The following SLC49A4 variants were observed in gnomAD, a reference collection of about 807,000 sequenced individuals.
SLC49A4 encodes the protein solute carrier family 49 member 4.
SLC49A4 carries 36 observed loss-of-function variants against 50.6 expected under a neutral mutation model. That is an observed-to-expected ratio of 0.71 (90% CI 0.55 to 0.94). The LOEUF (loss-of-function observed/expected upper bound fraction) is 0.94. SLC49A4 is among the 40% of genes least tolerant of loss of function. The pLI, the probability that SLC49A4 is intolerant of heterozygous loss-of-function variation, is 0.00. For missense variants in SLC49A4, 503 were observed against 605.7 expected, an observed-to-expected ratio of 0.83 and a Z score of 1.78; for synonymous variants, 248 against 241.2, an observed-to-expected ratio of 1.03 and a Z score of -0.26.
At chr3:122,852,749 C>T (rs979262857) in intron 5 of SLC49A4, among the ~76,000 whole-genome samples, 2 of 152,140 alleles carry the variant, frequency 1.3e-5, no homozygotes, top group Non-Finnish European at 2.9e-5. Context: ...ACAGCAGGCC[C>T]TAAACTCATA....
chr3:122,845,643 A>G lies in SLC49A4; in HGVS notation c.834-120A>G, dbSNP rs895832603. ...TTTTTTTTTTTGAGTTTTTAATGCCATTCTGCAGATATTTTCTGATTCTGG... is the reference window on the plus strand; with the variant it reads ...TTTTTTTTTTTGAGTTTTTAATGCCGTTCTGCAGATATTTTCTGATTCTGG... On this transcript the variant is annotated intron_variant, in intron 4 of 8. Transcript: ENST00000261038. 36 of 150,624 alleles carry G rather than the reference A, an allele frequency of 2.4e-4. No homozygotes were observed. The East Asian group carries it at 4.7e-3, about 20-fold the overall frequency. 9.3% of individuals were successfully genotyped at this position (150,624 alleles called of 1,614,324 possible).
chr3:122,849,867 T>A lies in SLC49A4; in HGVS notation c.942+3996T>A, dbSNP rs76926456. On this transcript the variant is annotated intron_variant, in intron 5 of 8. Transcript: ENST00000261038. The stretch of plus-strand genomic sequence containing the variant: ...TGTCTGATTTTGCTTTTGTTGCCTG[T>A]GTTTTTGAGGCTGTACTCAAAAAAT... 9.7e-3 allele frequency among the ~76,000 whole-genome samples: 1,477 copies of A among 152,250 alleles called. 26 individuals are homozygous for A. Among genetic ancestry groups the A allele is most frequent in the African/African-American group, 0.034 (1,423 of 41,526 alleles).
At chr3:122,808,339 A>G (rs546939261) in intron 2 of SLC49A4, among the ~76,000 whole-genome samples, 23 of 152,224 alleles carry the variant, frequency 1.5e-4, no homozygotes, top group Non-Finnish European at 2.9e-4. Flanking sequence ...GGAAAGAAGG[A>G]TATGAAAAGG....
At chr3:122,865,393 C>T (rs1017066613) in intron 7 of SLC49A4, among the ~76,000 whole-genome samples, 4 of 152,190 alleles carry the variant, frequency 2.6e-5, no homozygotes, top group Non-Finnish European at 5.9e-5. Flanking sequence ...ATGCCTCATC[C>T]TCTTTTGGAA....
At chr3:122,872,857 C>G (rs1179550734) in intron 8 of SLC49A4, among the ~76,000 whole-genome samples, 2 of 151,602 alleles carry the variant, frequency 1.3e-5, no homozygotes, top group Middle Eastern at 6.8e-3. Flanking sequence ...GGCTGGAGCC[C>G]AGTATTTGTA....
At chr3:122,830,792 A>G (rs1214305754) in intron 3 of SLC49A4, among the ~76,000 whole-genome samples, 2 of 152,216 alleles carry the variant, frequency 1.3e-5, no homozygotes, top group East Asian at 3.8e-4. Flanking sequence ...ATTAGACTTC[A>G]TCACAATTTA....
intron 7 of SLC49A4, among the ~76,000 whole-genome samples, 163 bp from the exon 8 acceptor site, chr3:122,872,252 C>A (rs1457861410): frequency 6.6e-6 from 1 of 152,174 alleles, no homozygotes; most frequent in African/African-American, 2.4e-5. Flanking sequence ...AAAACTGCAG[C>A]AAAGAGCTGG....
chr3:122,871,406 GAT>G (rs1331568491), intron 7 of SLC49A4, among the ~76,000 whole-genome samples: 1 of 152,000 alleles, frequency 6.6e-6, no homozygotes, highest in East Asian at 1.9e-4. Flanking sequence ...CTGATAATCT[GAT>G]ATGTTCTGTG....
At chr3:122,803,621 G>A (rs949012899) in intron 1 of SLC49A4, among the ~76,000 whole-genome samples, 1 of 152,220 alleles carries the variant, frequency 6.6e-6, no homozygotes, top group African/African-American at 2.4e-5. Context: ...CTTCACTTCA[G>A]CTGATGGAAG....
At chr3:122,828,089 T>A (rs1415554371) in intron 3 of SLC49A4, among the ~76,000 whole-genome samples, 2 of 152,184 alleles carry the variant, frequency 1.3e-5, no homozygotes, top group African/African-American at 4.8e-5. Context: ...ACTGGAATGA[T>A]AAGGGACCCA....
chr3:122,876,293 A>G (rs1366825871), intron 8 of SLC49A4, among the ~76,000 whole-genome samples: 1 of 152,194 alleles, frequency 6.6e-6, no homozygotes, highest in Non-Finnish European at 1.5e-5. Context: ...GAAGCTTTGC[A>G]GCGGGTTTTG....
chr3:122,870,713 T>C (rs1047397739), intron 7 of SLC49A4, among the ~76,000 whole-genome samples: 1 of 151,616 alleles, frequency 6.6e-6, no homozygotes, highest in Non-Finnish European at 1.5e-5. Flanking sequence ...CTCAGGAGGC[T>C]GAGGCAGGAG....
intron 5 of SLC49A4, among the ~76,000 whole-genome samples, chr3:122,853,539 A>G (rs184365122): frequency 1.3e-5 from 2 of 152,298 alleles, no homozygotes; most frequent in East Asian, 1.9e-4. Context: ...CAGGTGGATC[A>G]CTTGAGCTCA....
chr3:122,795,208 A>G lies in SLC49A4; in HGVS notation c.16A>G (p.Ser6Gly). The G allele has an allele frequency of 7.5e-7, 1 of 1,330,964 alleles. No individual in the cohort carries two copies. The allele number at this position is 1,330,964 out of a possible 1,614,324, so 82.4% of individuals were successfully genotyped here. ...ACGCGTCGCCATGGGCTCTCGCTGG[A>G]GCAGCGAAGAGGAGAGGCAGCCGCT... MGSRW[S>G]SEEERQPLLG... Residue 6 changes from serine (S) to glycine (G), a missense_variant, in exon 1 of 9, where the codon AGC becomes GGC. By Grantham distance (56) the Ser-to-Gly change is moderately conservative (BLOSUM62 0). Transcript: ENST00000261038.
At chr3:122,817,317 G>C (rs1349952212) in intron 2 of SLC49A4, among the ~76,000 whole-genome samples, 1 of 152,144 alleles carries the variant, frequency 6.6e-6, no homozygotes, top group Non-Finnish European at 1.5e-5. Context: ...CAACGAATGC[G>C]GGCGGCCACT....
intron 3 of SLC49A4, 142 bp from the exon 4 acceptor site, chr3:122,833,175 A>G (rs1936629903): frequency 1.3e-6 from 1 of 746,044 alleles, no homozygotes; most frequent in Admixed American, 2.4e-5. Flanking sequence ...CAGGAGGTCA[A>G]GTCTGTAGTG....
In SLC49A4 at chr3:122,795,372, G is replaced by A. The variant is rs1936005395; in HGVS notation, c.180G>A (p.Leu60=). The change falls in exon 1 of 9, where the codon CTG becomes CTA. Residue 60 remains leucine, a synonymous_variant. Coordinates refer to ENST00000261038, the MANE Select transcript of SLC49A4 (RefSeq NM_032839.3). ...RRWLVLLLFS[L]LAFVQGLVWN... is the part of the protein sequence containing the mutation. ...GGCTGGTGCTGCTGCTCTTCTCGCT[G>A]CTGGCGTTCGTTCAGGGCCTGGTCT... 6.3e-7 allele frequency: 1 copy of A among 1,598,638 alleles called. No homozygotes were observed. Among genetic ancestry groups the A allele is most frequent in the Non-Finnish European group, 8.5e-7 (1 of 1,176,446 alleles).
At chr3:122,856,106 GTTGA>G (rs1471788616) in intron 5 of SLC49A4, among the ~76,000 whole-genome samples, 197 bp from the exon 6 acceptor site, 2 of 152,102 alleles carry the variant, frequency 1.3e-5, no homozygotes, top group African/African-American at 4.8e-5. Context: ...GTTTGATGAC[GTTGA>G]TTATTTTGTT....
At chr3:122,835,139 G>A (rs1326032020) in intron 4 of SLC49A4, among the ~76,000 whole-genome samples, 1 of 152,120 alleles carries the variant, frequency 6.6e-6, no homozygotes, top group African/African-American at 2.4e-5. Context: ...TTTCAAAGAA[G>A]AATTTATACC....
Sources: allele counts gnomAD v4.1 joint callset (sites outside exome capture counted in the v4.1 genomes callset), GRCh38; gene constraint gnomAD v4.1.1; transcripts MANE v1.5; gene names NCBI Gene and HGNC (gene_info 2026-07-23, HGNC 2026-07-21).